Variants in CCDC7 observed in about 807,000 individuals in gnomAD.
CCDC7 encodes the protein coiled-coil domain containing 7, also known as coiled-coil domain-containing protein 7.
A neutral mutation model predicts 196.9 loss-of-function variants in CCDC7; 183 were observed. The ratio of observed to expected loss-of-function variants is 0.93; its 90% confidence interval spans 0.82 to 1.05. The LOEUF (loss-of-function observed/expected upper bound fraction) is 1.05, where lower values mean the gene tolerates loss of function less well. CCDC7 is among the 50% of genes least tolerant of loss of function. The probability of loss-of-function intolerance (pLI) is 0.00; values close to 1 mark genes in which losing one functional copy is unlikely to be tolerated. For missense variants in CCDC7, 1,540 were observed against 1,482.2 expected, an observed-to-expected ratio of 1.04 and a Z score of -0.64; for synonymous variants, 525 against 484.6, an observed-to-expected ratio of 1.08 and a Z score of -1.10.
intron 13 of CCDC7, among the ~76,000 whole-genome samples, chr10:32,558,217 A>G (rs1169679391): frequency 6.6e-6 from 1 of 152,168 alleles, no homozygotes; most frequent in African/African-American, 2.4e-5. Context: ...TATCCTGGCT[A>G]TTATGAATAT....
chr10:32,869,568 A>G (rs1187303951), intron 41 of CCDC7, among the ~76,000 whole-genome samples: 1 of 151,950 alleles, frequency 6.6e-6, no homozygotes, highest in East Asian at 1.9e-4. Context: ...CTTTCGTTTA[A>G]TCGGATCCTA....
At chr10:32,615,608 T>C (rs1466463485) in intron 18 of CCDC7, among the ~76,000 whole-genome samples, 1 of 152,174 alleles carries the variant, frequency 6.6e-6, no homozygotes, top group African/African-American at 2.4e-5. Flanking sequence ...AGTATTTTTT[T>C]CTTATTCTGT....
chr10:32,536,631 G>A (rs750770562), intron 11 of CCDC7, among the ~76,000 whole-genome samples: 14 of 152,104 alleles, frequency 9.2e-5, no homozygotes, highest in Non-Finnish European at 1.2e-4. Flanking sequence ...CATAGTACCA[G>A]ATAGGTATTT....
intron 3 of CCDC7, among the ~76,000 whole-genome samples, chr10:32,460,107 G>A (rs1389009587): frequency 6.6e-6 from 1 of 152,006 alleles, no homozygotes; most frequent in East Asian, 1.9e-4. Context: ...ATCATAAAAG[G>A]CAATATTGAT....
At chr10:32,565,095 G>T (rs994057573) in intron 13 of CCDC7, among the ~76,000 whole-genome samples, 12 of 152,156 alleles carry the variant, frequency 7.9e-5, no homozygotes, top group African/African-American at 2.9e-4. Context: ...TTGTCTAGTG[G>T]GAACTCAGTC....
At position 32,845,790 on chromosome 10, in the gene CCDC7, C is replaced by CAG. The variant is rs747752212; in HGVS notation, c.3521-85_3521-84insGA. The CAG allele has an allele frequency of 7.9e-3, 8,381 of 1,063,292 alleles. 41 individuals are homozygous for CAG. Among genetic ancestry groups the CAG allele is most frequent in the Admixed American group, 0.022 (1,155 of 52,168 alleles). The allele number at this position is 1,063,292 out of a possible 1,614,324, so 65.9% of individuals were successfully genotyped here. A position where few individuals can be genotyped will look rare whatever the true frequency, so the allele number is the denominator to read the frequency against. On this transcript the variant is annotated intron_variant, in intron 35 of 41. Transcript: ENST00000639629. ...AATTACACACACACACACACACACA[C>CAG]ACACATACACACACACACAGATACA...
intron 30 of CCDC7, among the ~76,000 whole-genome samples, chr10:32,806,152 A>G (rs2085797364): frequency 6.6e-6 from 1 of 152,208 alleles, no homozygotes; most frequent in South Asian, 2.1e-4. Flanking sequence ...TTTGGACAGG[A>G]AAAACATACA....
chr10:32,546,556 T>C (rs1389313533), intron 13 of CCDC7, among the ~76,000 whole-genome samples: 1 of 152,214 alleles, frequency 6.6e-6, no homozygotes, highest in African/African-American at 2.4e-5. Context: ...CGTACAAGTA[T>C]GTATACACCT....
At chr10:32,809,696 T>G (rs1467139568) in intron 30 of CCDC7, among the ~76,000 whole-genome samples, 1 of 152,178 alleles carries the variant, frequency 6.6e-6, no homozygotes, top group Non-Finnish European at 1.5e-5. Context: ...TCACACCAGT[T>G]AGAATGGCAA....
chr10:32,526,228 C>T (rs1027441900), intron 11 of CCDC7, among the ~76,000 whole-genome samples: 2 of 152,294 alleles, frequency 1.3e-5, no homozygotes, highest in East Asian at 1.9e-4. Context: ...CTGTACACAC[C>T]GTTGATGCTG....
chr10:32,713,764 A>C (rs1677768482), intron 25 of CCDC7, among the ~76,000 whole-genome samples: 1 of 152,150 alleles, frequency 6.6e-6, no homozygotes, highest in African/African-American at 2.4e-5. Context: ...ATTGAGCAGC[A>C]GAGGGCACAT....
chr10:32,701,916 T>C (rs1171004864), intron 24 of CCDC7, among the ~76,000 whole-genome samples: 1 of 152,176 alleles, frequency 6.6e-6, no homozygotes, highest in Non-Finnish European at 1.5e-5. Flanking sequence ...CTTTTCTTCT[T>C]TATTAGTCTT....
chr10:32,542,883 A>G (rs556517521), intron 11 of CCDC7, among the ~76,000 whole-genome samples: 2 of 152,114 alleles, frequency 1.3e-5, no homozygotes, highest in Non-Finnish European at 2.9e-5. Context: ...ACTGTGTACT[A>G]TAGTACTGTT....
At chr10:32,468,353 G>T (rs1004526429) in intron 5 of CCDC7, among the ~76,000 whole-genome samples, 1 of 152,092 alleles carries the variant, frequency 6.6e-6, no homozygotes, top group Non-Finnish European at 1.5e-5. Flanking sequence ...ATTGTGAATG[G>T]GATTGCATTC....
chr10:32,757,286 C>A (rs1212627083), intron 28 of CCDC7, among the ~76,000 whole-genome samples: 3 of 152,180 alleles, frequency 2.0e-5, no homozygotes, highest in Non-Finnish European at 4.4e-5. Flanking sequence ...CCCCCGAAAT[C>A]AACAGAATAC....
At chr10:32,662,490 T>C (rs913019281) in intron 20 of CCDC7, among the ~76,000 whole-genome samples, 8 of 152,168 alleles carry the variant, frequency 5.3e-5, no homozygotes, top group Admixed American at 5.2e-4. Flanking sequence ...GAGACCTCAC[T>C]ATTTGGACTG....
chr10:32,738,047 T>G (rs1932504), intron 28 of CCDC7, among the ~76,000 whole-genome samples: 21,859 of 152,138 alleles, frequency 0.14, 1,907 homozygotes, highest in African/African-American at 0.25. Flanking sequence ...TGCTTCAATA[T>G]CAACCGTATT....
chr10:32,708,923 A>G (rs947495688), intron 24 of CCDC7, among the ~76,000 whole-genome samples: 2 of 152,216 alleles, frequency 1.3e-5, no homozygotes, highest in Admixed American at 1.3e-4. Flanking sequence ...CAATTCCTCA[A>G]GCATCTAGAA....
At chr10:32,774,870 A>G (rs976588520) in intron 28 of CCDC7, among the ~76,000 whole-genome samples, 1 of 152,104 alleles carries the variant, frequency 6.6e-6, no homozygotes, top group African/African-American at 2.4e-5. Flanking sequence ...GGAGGATGAG[A>G]TTTTGTGGGA....
Sources: allele counts gnomAD v4.1 joint callset (sites outside exome capture counted in the v4.1 genomes callset), GRCh38; gene constraint gnomAD v4.1.1; transcripts MANE v1.5; gene names NCBI Gene and HGNC (gene_info 2026-07-23, HGNC 2026-07-21).